The following KCNAB1 variants were observed in gnomAD, a reference collection of about 807,000 sequenced individuals.
KCNAB1 encodes voltage-gated potassium channel subunit beta-1.
In KCNAB1, 35 loss-of-function variants were observed where a neutral mutation model predicts 64.6. The observed-to-expected ratio is 0.54, with a 90% confidence interval of 0.41 to 0.72. The LOEUF (loss-of-function observed/expected upper bound fraction) is 0.72. Ranked by LOEUF, KCNAB1 falls within the 30% of genes least tolerant of loss-of-function variation. The pLI is 0.00. For missense variants in KCNAB1, 401 were observed against 512.9 expected, an observed-to-expected ratio of 0.78 and a Z score of 2.11; for synonymous variants, 177 against 183.8, an observed-to-expected ratio of 0.96 and a Z score of 0.30.
At chr3:156,311,861 T>C (rs570751654) in intron 1 of KCNAB1, among the ~76,000 whole-genome samples, 4 of 152,224 alleles carry the variant, frequency 2.6e-5, no homozygotes, top group African/African-American at 4.8e-5. Flanking sequence ...TAGTGCAGTG[T>C]GCACTTAAGG....
chr3:156,471,327 T>G (rs1713872016), intron 7 of KCNAB1, among the ~76,000 whole-genome samples: 1 of 152,252 alleles, frequency 6.6e-6, no homozygotes. Flanking sequence ...CTTGTTAAAC[T>G]TTGGAACCTA....
chr3:156,474,386 C>T (rs957351832), intron 7 of KCNAB1, among the ~76,000 whole-genome samples: 2 of 152,208 alleles, frequency 1.3e-5, no homozygotes, highest in East Asian at 1.9e-4. Context: ...TTGCATTGTT[C>T]AAGAAGAAAA....
At chr3:156,428,895 A>G (rs537823533) in intron 2 of KCNAB1, among the ~76,000 whole-genome samples, 20 of 151,862 alleles carry the variant, frequency 1.3e-4, no homozygotes, top group African/African-American at 4.6e-4. Context: ...CAAGACTTTA[A>G]TTCCTAGGGA....
chr3:156,147,820 C>T (rs1394150525), intron 1 of KCNAB1, among the ~76,000 whole-genome samples: 3 of 152,080 alleles, frequency 2.0e-5, no homozygotes, highest in Non-Finnish European at 4.4e-5. Flanking sequence ...TGAGGTTGCA[C>T]TTCTAGCTAG....
chr3:156,135,131 G>C (rs1714260885), intron 1 of KCNAB1, among the ~76,000 whole-genome samples: 2 of 151,852 alleles, frequency 1.3e-5, no homozygotes, highest in Admixed American at 6.6e-5. Flanking sequence ...CGAGTAGCTG[G>C]AATTACAGGC....
chr3:156,357,428 A>T (rs1244132159), intron 1 of KCNAB1, among the ~76,000 whole-genome samples: 1 of 152,222 alleles, frequency 6.6e-6, no homozygotes, highest in African/African-American at 2.4e-5. Flanking sequence ...ATGACAATGT[A>T]ATGTTTCACA....
At chr3:156,403,835 A>G (rs1714064567) in intron 1 of KCNAB1, among the ~76,000 whole-genome samples, 1 of 151,830 alleles carries the variant, frequency 6.6e-6, no homozygotes, top group African/African-American at 2.4e-5. Flanking sequence ...TGGAGGTTGC[A>G]GTGAGCTGAG....
At chr3:156,191,370 A>G (rs1713550720) in intron 1 of KCNAB1, among the ~76,000 whole-genome samples, 1 of 152,250 alleles carries the variant, frequency 6.6e-6, no homozygotes, top group Admixed American at 6.5e-5. Context: ...ACAGAACATT[A>G]GCACTGTTCT....
In KCNAB1 at chr3:156,452,777, A is replaced by AGTG. The variant is rs1390718812; in HGVS notation, c.320-121_320-120insTGG. 14 of 673,122 alleles carry AGTG rather than the reference A, an allele frequency of 2.1e-5. No homozygotes were observed. In the African/African-American group the frequency reaches 2.6e-4, roughly 12 times the overall value. The allele number at this position is 673,122 out of a possible 1,614,324, so 41.7% of individuals were successfully genotyped here. On this transcript the variant is annotated intron_variant, in intron 2 of 13. Transcript: ENST00000490337. This position sits in a 1 kb window ranked among gnomAD's most constrained non-coding sequence, Gnocchi z 4.6. ...CACAGCCCACATGTGCCCCTCATCC[A>AGTG]GGTACCTTTGTGAACTACCCATACA...
chr3:156,332,916 C>G (rs1366250971), intron 1 of KCNAB1, among the ~76,000 whole-genome samples: 1 of 152,118 alleles, frequency 6.6e-6, no homozygotes, highest in Non-Finnish European at 1.5e-5. Context: ...TATTCAGAAG[C>G]TTAAATGTGA....
upstream of KCNAB1, among the ~76,000 whole-genome samples, chr3:156,119,290 A>T (rs751200376): frequency 5.3e-5 from 8 of 152,210 alleles, no homozygotes; most frequent in Non-Finnish European, 8.8e-5. Context: ...ACTTGTTACC[A>T]AGCCATGTGA....
Position 156,322,104 on chromosome 3 carries a change from A to T in KCNAB1, c.276-99512A>T, listed in dbSNP as rs1295472358. ...ATCCCTTCAGCCTAGTGAGATGCTC[A>T]CTCGCACAGCGACAGTCACAAAGGA... On this transcript the variant is annotated intron_variant, in intron 1 of 13. Coordinates refer to ENST00000490337, the MANE Select transcript of KCNAB1 (RefSeq NM_172160.3). Among the ~76,000 whole-genome samples, 3 of 152,160 alleles carry T rather than the reference A, an allele frequency of 2.0e-5. No individual in the cohort carries two copies. The East Asian group carries it at 5.8e-4, about 29-fold the overall frequency.
chr3:156,466,128 C>A (rs1331872304), intron 7 of KCNAB1, among the ~76,000 whole-genome samples: 1 of 151,922 alleles, frequency 6.6e-6, no homozygotes, highest in African/African-American at 2.4e-5. Context: ...GAAGACACTC[C>A]CTATCACCTC....
At position 156,538,219 on chromosome 3, in the gene KCNAB1, C is replaced by A. The variant is rs550317441; in HGVS notation, c.*1472C>A. On this transcript the variant is annotated 3_prime_UTR_variant, in exon 14 of 14. Transcript: ENST00000490337. ...TGGCTATCTGAGGATGTACAAAATT[C>A]TCATTTAATTTTCTGGTCAGCAAGT... is the stretch of plus-strand genomic sequence containing the variant. 1 of 151,138 alleles carries A rather than the reference C, an allele frequency of 6.6e-6. No homozygotes were observed. The highest frequency in any genetic ancestry group is 2.1e-4 in the South Asian group (1 of 4,788). The allele number at this position is 151,138 out of a possible 1,614,324, so 9.4% of individuals were successfully genotyped here. A position where few individuals can be genotyped will look rare whatever the true frequency, so the allele number is the denominator to read the frequency against.
At chr3:156,166,274 T>C (rs568619601) in intron 1 of KCNAB1, among the ~76,000 whole-genome samples, 1 of 152,266 alleles carries the variant, frequency 6.6e-6, no homozygotes, top group Admixed American at 6.5e-5. Flanking sequence ...ATCTCTCTTT[T>C]CTGAAAGTTC....
chr3:156,196,034 T>G (rs1340971405), intron 1 of KCNAB1, among the ~76,000 whole-genome samples: 2 of 152,254 alleles, frequency 1.3e-5, no homozygotes, highest in Non-Finnish European at 1.5e-5. Flanking sequence ...CACCATTTAT[T>G]AAATAGGGAA....
intron 1 of KCNAB1, among the ~76,000 whole-genome samples, chr3:156,128,690 TC>T (rs1391581409): frequency 1.3e-5 from 2 of 152,206 alleles, no homozygotes; most frequent in African/African-American, 2.4e-5. Context: ...TGTCCAGGCT[TC>T]TTTACATGCT....
At chr3:156,224,395 G>T (rs1023549720) in intron 1 of KCNAB1, among the ~76,000 whole-genome samples, 3 of 152,256 alleles carry the variant, frequency 2.0e-5, no homozygotes, top group African/African-American at 4.8e-5. Context: ...CGGGCTGAAG[G>T]GCTCTTCAAG....
chr3:156,160,399 A>G (rs1234593663), intron 1 of KCNAB1, among the ~76,000 whole-genome samples: 2 of 152,232 alleles, frequency 1.3e-5, no homozygotes, highest in African/African-American at 4.8e-5. Context: ...GTAATGTAGT[A>G]GGAGCTCAGG....
Sources: gnomAD v4.1 joint callset for allele counts (sites outside exome capture counted in the v4.1 genomes callset) on GRCh38, gnomAD v4.1.1 for gene constraint, Gnocchi (gnomAD v3.1) non-coding constraint, MANE v1.5 for transcripts, NCBI Gene and HGNC (gene_info 2026-07-23, HGNC 2026-07-21) for gene names.